The following SEL1L variants were observed in gnomAD, a reference collection of about 807,000 sequenced individuals.
The protein encoded by SEL1L is SEL1L adaptor subunit of SYVN1 ubiquitin ligase.
SEL1L carries 52 observed loss-of-function variants against 109.8 expected under a neutral mutation model. The observed-to-expected ratio is 0.47, with a 90% CI of 0.38 to 0.60. The LOEUF (loss-of-function observed/expected upper bound fraction) is 0.60, where lower values mean the gene tolerates loss of function less well. Among genes scored for constraint, SEL1L ranks in the 20% least tolerant of loss-of-function variants. The pLI, the probability that SEL1L is intolerant of heterozygous loss-of-function variation, is 0.00. For missense variants in SEL1L, 749 were observed against 962.2 expected, an observed-to-expected ratio of 0.78 and a Z score of 2.93; for synonymous variants, 373 against 339.6, an observed-to-expected ratio of 1.10 and a Z score of -1.08.
intron 6 of SEL1L, 45 bp from the exon 7 acceptor site, chr14:81,499,707 T>A (rs775618034): frequency 6.6e-7 from 1 of 1,518,854 alleles, no homozygotes; most frequent in Admixed American, 1.9e-5. Context: ...TGGTGAAGGT[T>A]TATCCAAGAC....
chr14:81,507,329 A>C (rs1320761242), intron 3 of SEL1L, among the ~76,000 whole-genome samples: 1 of 152,142 alleles, frequency 6.6e-6, no homozygotes, highest in East Asian at 1.9e-4. Context: ...GTCATCTGAG[A>C]AGCAATGGTA....
chr14:81,486,921 T>C (rs1163573508), intron 16 of SEL1L, among the ~76,000 whole-genome samples: 2 of 151,972 alleles, frequency 1.3e-5, no homozygotes, highest in Non-Finnish European at 2.9e-5. Context: ...AATTAGGAGA[T>C]ATTAGCATTC....
intron 3 of SEL1L, among the ~76,000 whole-genome samples, chr14:81,513,489 C>A (rs148819540): frequency 6.6e-6 from 1 of 152,158 alleles, no homozygotes; most frequent in Non-Finnish European, 1.5e-5. Context: ...GTAACACTCA[C>A]CGCGAGAGTC....
chr14:81,533,598 G>C, intron 1 of SEL1L, 77 bp downstream of exon 1: 1 of 1,422,160 alleles, frequency 7.0e-7, no homozygotes, highest in Non-Finnish European at 9.7e-7. Flanking sequence ...CGAGCCTGGA[G>C]TCCCCACGGC....
At chr14:81,501,343 T>C (rs921474165) in intron 6 of SEL1L, among the ~76,000 whole-genome samples, 6 of 152,180 alleles carry the variant, frequency 3.9e-5, no homozygotes, top group African/African-American at 1.4e-4. Flanking sequence ...TATAAAGTGC[T>C]GTGGCTTTGT....
chr14:81,494,837 T>C (rs748882493), intron 11 of SEL1L, among the ~76,000 whole-genome samples: 1 of 152,200 alleles, frequency 6.6e-6, no homozygotes, highest in African/African-American at 2.4e-5. Flanking sequence ...CTCCAAAAGG[T>C]CAAAGACCAA....
chr14:81,510,489 T>TCC (rs2140032611), intron 3 of SEL1L, among the ~76,000 whole-genome samples: 1 of 114,708 alleles, frequency 8.7e-6, no homozygotes, highest in African/African-American at 3.5e-5. Flanking sequence ...TCTCTCTCTC[T>TCC]CTCTCTCTCT....
At chr14:81,516,031 A>G (rs2140043190) in intron 3 of SEL1L, among the ~76,000 whole-genome samples, 1 of 152,296 alleles carries the variant, frequency 6.6e-6, no homozygotes, top group Admixed American at 6.5e-5. Flanking sequence ...GGACACTTTA[A>G]AAAATTGTCC....
chr14:81,496,978 G>A (rs1053728666), intron 10 of SEL1L, among the ~76,000 whole-genome samples: 4 of 152,182 alleles, frequency 2.6e-5, no homozygotes, highest in African/African-American at 9.7e-5. Flanking sequence ...GTAGCATCAT[G>A]CTGGCAGAGG....
chr14:81,510,453 A>C (rs992213556), intron 3 of SEL1L, among the ~76,000 whole-genome samples: 4 of 151,268 alleles, frequency 2.6e-5, no homozygotes, highest in Non-Finnish European at 4.4e-5. Context: ...CAAAAAAGGT[A>C]AACATAGCTA....
intron 13 of SEL1L, among the ~76,000 whole-genome samples, chr14:81,489,707 C>T (rs983154849): frequency 3.3e-5 from 5 of 152,086 alleles, no homozygotes; most frequent in Admixed American, 3.3e-4. Context: ...CATGGAACAC[C>T]TTGTAATAAT....
intron 1 of SEL1L, among the ~76,000 whole-genome samples, chr14:81,531,100 T>G (rs1377650060): frequency 1.3e-5 from 2 of 152,320 alleles, no homozygotes; most frequent in South Asian, 2.1e-4. Context: ...TATACACTAT[T>G]GTAAACACTG....
chr14:81,509,826 TA>T (rs1469020080), intron 3 of SEL1L, among the ~76,000 whole-genome samples: 1 of 152,076 alleles, frequency 6.6e-6, no homozygotes, highest in African/African-American at 2.4e-5. Context: ...GATGTTTACT[TA>T]AAAAAATGCT....
At chr14:81,533,586 C>A in intron 1 of SEL1L, 89 bp downstream of exon 1, 2 of 1,283,986 alleles carry the variant, frequency 1.6e-6, no homozygotes, top group South Asian at 1.3e-5. Context: ...AGAACGGGGT[C>A]CCGAGCCTGG....
rs1903085408 is a variant in SEL1L, at chr14:81,474,092, G to T, written c.*2880C>A. The T allele has an allele frequency of 6.6e-6, 1 of 151,784 alleles. No individual in the cohort carries two copies. The highest frequency in any genetic ancestry group is 1.5e-5 in the Non-Finnish European group (1 of 67,938). The allele number at this position is 151,784 out of a possible 1,614,324, so 9.4% of individuals were successfully genotyped here. A position where few individuals can be genotyped will look rare whatever the true frequency, so the allele number is the denominator to read the frequency against. On this transcript the variant is annotated 3_prime_UTR_variant, in exon 21 of 21. Coordinates refer to ENST00000336735, the MANE Select transcript of SEL1L (RefSeq NM_005065.6). ...AAAAGTAACAAATCCTTAGTATCAA[G>T]ATTAATAATTTATAAATTCATCTGA... is the stretch of plus-strand genomic sequence containing the variant.
At chr14:81,508,929 TA>T (rs1884350580) in intron 3 of SEL1L, among the ~76,000 whole-genome samples, 1 of 151,754 alleles carries the variant, frequency 6.6e-6, no homozygotes, top group Non-Finnish European at 1.5e-5. Context: ...CTGGAGAGAG[TA>T]AAAAAAATTT....
intron 3 of SEL1L, among the ~76,000 whole-genome samples, chr14:81,506,628 T>A (rs1471105516): frequency 3.9e-5 from 6 of 152,186 alleles, no homozygotes; most frequent in Admixed American, 6.5e-5. Flanking sequence ...ATTTCTTCAG[T>A]AATACAGAGT....
chr14:81,474,491 A>G lies in SEL1L; in HGVS notation c.*2481T>C, dbSNP rs943305998. ...TAAATTCTAACATTAAAACTCCTGA[A>G]TCCTGGAGTTAGTTTAATGTCACTG... is the stretch of plus-strand genomic sequence containing the variant. On this transcript the variant is annotated 3_prime_UTR_variant, in exon 21 of 21. Transcript: ENST00000336735. 1 of 152,196 alleles carries G rather than the reference A, an allele frequency of 6.6e-6. No homozygotes were observed. Among genetic ancestry groups the G allele is most frequent in the Non-Finnish European group, 1.5e-5 (1 of 68,022 alleles). The allele number at this position is 152,196 out of a possible 1,614,324, so 9.4% of individuals were successfully genotyped here.
chr14:81,478,383 A>G (rs1903236869), intron 20 of SEL1L, among the ~76,000 whole-genome samples: 1 of 152,124 alleles, frequency 6.6e-6, no homozygotes, highest in African/African-American at 2.4e-5. Flanking sequence ...AGGTGGTAGG[A>G]TTATGGGGCG....
Sources: allele counts gnomAD v4.1 joint callset (sites outside exome capture counted in the v4.1 genomes callset), GRCh38; gene constraint gnomAD v4.1.1; transcripts MANE v1.5; gene names NCBI Gene and HGNC (gene_info 2026-07-23, HGNC 2026-07-21).